Variants in CDYL2 observed in about 807,000 individuals in gnomAD.
CDYL2 encodes the protein chromodomain Y like 2.
CDYL2 carries 23 observed loss-of-function variants against 49.4 expected under a neutral mutation model. The ratio of observed to expected loss-of-function variants is 0.47; its 90% CI spans 0.34 to 0.66. The LOEUF is 0.66. Among genes scored for constraint, CDYL2 ranks in the 30% least tolerant of loss-of-function variants. CDYL2 has a pLI of 0.01. For synonymous variants in CDYL2, 360 were observed against 268.8 expected (o/e 1.34, Z -3.32); for missense variants, 678 against 656.4 (o/e 1.03, Z -0.36).
chr16:80,660,710 G>C (rs751350018), intron 2 of CDYL2, among the ~76,000 whole-genome samples: 4 of 152,170 alleles, frequency 2.6e-5, no homozygotes, highest in African/African-American at 4.8e-5. Context: ...ATAAAGATGT[G>C]TGTAAGATTT....
intron 1 of CDYL2, among the ~76,000 whole-genome samples, chr16:80,773,778 C>T (rs1184136600): frequency 6.6e-6 from 1 of 152,016 alleles, no homozygotes; most frequent in Non-Finnish European, 1.5e-5. Context: ...TAAAGGCATG[C>T]TTAAATTAAA....
chr16:80,636,209 G>A (rs1055477340), intron 2 of CDYL2, among the ~76,000 whole-genome samples: 1 of 152,098 alleles, frequency 6.6e-6, no homozygotes, highest in African/African-American at 2.4e-5. Flanking sequence ...TTGACAAATG[G>A]GATCTAATTA....
At chr16:80,607,180 C>A (rs1190740656) in intron 6 of CDYL2, among the ~76,000 whole-genome samples, 3 of 152,108 alleles carry the variant, frequency 2.0e-5, no homozygotes, top group Admixed American at 6.5e-5. Flanking sequence ...ACCGCCACCC[C>A]CCACCGTCAC....
intron 1 of CDYL2, among the ~76,000 whole-genome samples, chr16:80,754,551 C>T (rs970505304): frequency 6.6e-6 from 1 of 152,192 alleles, no homozygotes; most frequent in Admixed American, 6.5e-5. Flanking sequence ...AAGAGTAATA[C>T]TGTAGATGAA....
chr16:80,724,805 C>T (rs887674624), intron 1 of CDYL2, among the ~76,000 whole-genome samples: 1 of 152,238 alleles, frequency 6.6e-6, no homozygotes, highest in Non-Finnish European at 1.5e-5. Flanking sequence ...CCAAACCTCT[C>T]ACCCAGACCT....
At chr16:80,740,645 A>C (rs1021915731) in intron 1 of CDYL2, among the ~76,000 whole-genome samples, 1 of 152,362 alleles carries the variant, frequency 6.6e-6, no homozygotes, top group African/African-American at 2.4e-5. Flanking sequence ...AATACTTTAG[A>C]ATGAATTTAA....
chr16:80,717,181 G>A (rs1357106573), intron 1 of CDYL2, among the ~76,000 whole-genome samples: 1 of 152,070 alleles, frequency 6.6e-6, no homozygotes, highest in Non-Finnish European at 1.5e-5. Context: ...ATGGATGGAT[G>A]GATGGATGGA....
intron 2 of CDYL2, among the ~76,000 whole-genome samples, chr16:80,680,627 T>A (rs1204237839): frequency 6.6e-6 from 1 of 152,206 alleles, no homozygotes; most frequent in East Asian, 1.9e-4. Context: ...GAGAGATGCC[T>A]AGTAGAAACT....
chr16:80,706,210 T>A (rs1199479831), intron 1 of CDYL2, among the ~76,000 whole-genome samples: 1 of 152,236 alleles, frequency 6.6e-6, no homozygotes, highest in South Asian at 2.1e-4. Flanking sequence ...ATAAATCAAT[T>A]ACATCCATTA....
At chr16:80,630,852 C>A (rs2142389129) in intron 3 of CDYL2, among the ~76,000 whole-genome samples, 1 of 152,260 alleles carries the variant, frequency 6.6e-6, no homozygotes, top group East Asian at 1.9e-4. Flanking sequence ...ACAGCACCTC[C>A]CTCCCCACCC....
chr16:80,629,086 C>A (rs562268350), intron 3 of CDYL2, among the ~76,000 whole-genome samples: 1 of 152,090 alleles, frequency 6.6e-6, no homozygotes, highest in Non-Finnish European at 1.5e-5. Flanking sequence ...GTGGGCTGCA[C>A]GATGAGGCGG....
chr16:80,682,141 T>A (rs1017032728), intron 2 of CDYL2, among the ~76,000 whole-genome samples: 1 of 152,286 alleles, frequency 6.6e-6, no homozygotes, highest in African/African-American at 2.4e-5. Context: ...ACATGCAGAA[T>A]CTGAGAACCA....
intron 2 of CDYL2, among the ~76,000 whole-genome samples, chr16:80,658,218 T>C (rs1451465101): frequency 6.6e-6 from 1 of 152,044 alleles, no homozygotes; most frequent in Non-Finnish European, 1.5e-5. Context: ...TGACCCTTCT[T>C]TGAGGATATC....
At chr16:80,790,378 C>T (rs542508037) in intron 1 of CDYL2, among the ~76,000 whole-genome samples, 4 of 152,304 alleles carry the variant, frequency 2.6e-5, no homozygotes, top group South Asian at 4.1e-4. Context: ...CCTTTGTCTA[C>T]ACAACACCAA....
chr16:80,750,999 G>A (rs1024361522), intron 1 of CDYL2, among the ~76,000 whole-genome samples: 2 of 149,590 alleles, frequency 1.3e-5, no homozygotes, highest in Admixed American at 6.6e-5. Flanking sequence ...CAGCCTGGGC[G>A]ACAGAGTGAG....
chr16:80,704,097 G>A (rs1326830182), intron 1 of CDYL2, among the ~76,000 whole-genome samples: 2 of 152,168 alleles, frequency 1.3e-5, no homozygotes, highest in African/African-American at 4.8e-5. Flanking sequence ...GTCCTAGGAG[G>A]TCAGTGAGGT....
intron 4 of CDYL2, among the ~76,000 whole-genome samples, chr16:80,613,313 G>A (rs1277936053): frequency 6.6e-6 from 1 of 152,060 alleles, no homozygotes; most frequent in Non-Finnish European, 1.5e-5. Context: ...GGCTTTGTGG[G>A]GTATGAATTC....
intron 1 of CDYL2, among the ~76,000 whole-genome samples, chr16:80,782,800 T>C (rs572041514): frequency 6.6e-6 from 1 of 152,142 alleles, no homozygotes; most frequent in Non-Finnish European, 1.5e-5. Context: ...CAATACCCTA[T>C]TATGATTAAA....
chr16:80,635,516 G>C (rs113717415), intron 2 of CDYL2, among the ~76,000 whole-genome samples: 1 of 152,016 alleles, frequency 6.6e-6, no homozygotes, highest in Admixed American at 6.5e-5. Flanking sequence ...GGGATGTGAA[G>C]GACCTATTCA....
Sources: allele counts gnomAD v4.1 joint callset (sites outside exome capture counted in the v4.1 genomes callset), GRCh38; gene constraint gnomAD v4.1.1; transcripts MANE v1.5; gene names NCBI Gene and HGNC (gene_info 2026-07-23, HGNC 2026-07-21).